The following RNF180 variants were observed in gnomAD, a reference collection of about 807,000 sequenced individuals.
RNF180 encodes the protein E3 ubiquitin-protein ligase RNF180.
A neutral mutation model predicts 59.2 loss-of-function variants in RNF180; 38 were observed. That is an observed-to-expected ratio of 0.64 (90% CI 0.50 to 0.84). The LOEUF is 0.84. Ranked by LOEUF, RNF180 falls within the 40% of genes least tolerant of loss-of-function variation. The probability of loss-of-function intolerance (pLI) is 0.00; values close to 1 mark genes in which losing one functional copy is unlikely to be tolerated. For missense variants in RNF180, 705 were observed against 700.9 expected (o/e 1.01, Z -0.07); for synonymous variants, 262 against 240.3 (o/e 1.09, Z -0.84).
intron 5 of RNF180, among the ~76,000 whole-genome samples, chr5:64,224,062 G>GGTGTGTGTGTGTGTGT (rs10694125): frequency 1.4e-5 from 2 of 141,348 alleles, no homozygotes; most frequent in African/African-American, 2.6e-5. Flanking sequence ...TCTAGGTTGG[G>GGTGTGTGTGTGTGTGT]GTGTGTGTGT....
At chr5:64,288,821 T>C (rs1433305735) in intron 5 of RNF180, among the ~76,000 whole-genome samples, 1 of 152,230 alleles carries the variant, frequency 6.6e-6, no homozygotes, top group African/African-American at 2.4e-5. Context: ...AGATATAGGA[T>C]CATGTCATCT....
intron 5 of RNF180, among the ~76,000 whole-genome samples, chr5:64,275,311 T>G (rs186177307): frequency 1.2e-4 from 18 of 146,846 alleles, no homozygotes; most frequent in Admixed American, 2.8e-4. Flanking sequence ...GAATAAGATA[T>G]AGAATTCTCT....
chr5:64,317,620 A>G (rs1303745311), intron 5 of RNF180, among the ~76,000 whole-genome samples: 1 of 110,950 alleles, frequency 9.0e-6, no homozygotes, highest in Non-Finnish European at 1.7e-5. Context: ...ACACACACAT[A>G]TATACACACA....
intron 1 of RNF180, among the ~76,000 whole-genome samples, chr5:64,184,476 T>C (rs752177952): frequency 5.9e-5 from 9 of 152,232 alleles, no homozygotes; most frequent in Non-Finnish European, 1.3e-4. Context: ...CTTCATTTTT[T>C]AGCACTGTGC....
chr5:64,184,983 C>A (rs1204935972), intron 1 of RNF180, among the ~76,000 whole-genome samples: 1 of 152,132 alleles, frequency 6.6e-6, no homozygotes, highest in Non-Finnish European at 1.5e-5. Flanking sequence ...GATCTCATAC[C>A]TAAATATATC....
intron 1 of RNF180, among the ~76,000 whole-genome samples, chr5:64,177,526 CATATATATATATATATATATAT>C (rs58046669): frequency 0.39 from 41,546 of 105,530 alleles, 7,365 homozygotes; most frequent in Middle Eastern, 0.49. Flanking sequence ...TAAATTATGC[CATATATATATATATATATATAT>C]ATATATATAT....
At chr5:64,333,741 T>C (rs1430372603) in intron 7 of RNF180, among the ~76,000 whole-genome samples, 1 of 152,192 alleles carries the variant, frequency 6.6e-6, no homozygotes, top group Non-Finnish European at 1.5e-5. Context: ...CCTTGTGATT[T>C]CTTCTTGTCT....
chr5:64,197,220 C>T (rs962196556), intron 1 of RNF180, among the ~76,000 whole-genome samples: 2 of 152,160 alleles, frequency 1.3e-5, no homozygotes, highest in African/African-American at 4.8e-5. Flanking sequence ...AAATATGTTT[C>T]TCCATAGGGA....
chr5:64,271,720 A>G (rs1417154247), intron 5 of RNF180, among the ~76,000 whole-genome samples: 1 of 152,216 alleles, frequency 6.6e-6, no homozygotes, highest in East Asian at 1.9e-4. Context: ...GAGCCATAAT[A>G]TATCTCAAGA....
chr5:64,368,984 C>A (rs914704241), intron 7 of RNF180, among the ~76,000 whole-genome samples: 10 of 152,246 alleles, frequency 6.6e-5, no homozygotes, highest in African/African-American at 2.2e-4. Context: ...AACTATAAAT[C>A]ATGCTGCTAT....
chr5:64,242,424 A>G (rs1742861592), intron 5 of RNF180, among the ~76,000 whole-genome samples: 1 of 152,174 alleles, frequency 6.6e-6, no homozygotes, highest in African/African-American at 2.4e-5. Flanking sequence ...GTGCCTGACA[A>G]CTCAAAATCA....
chr5:64,226,424 G>A (rs942169365), intron 5 of RNF180, among the ~76,000 whole-genome samples: 8 of 152,126 alleles, frequency 5.3e-5, no homozygotes, highest in Non-Finnish European at 1.2e-4. Context: ...GATTAAGGGC[G>A]GTGCAAGATG....
intron 7 of RNF180, among the ~76,000 whole-genome samples, chr5:64,341,076 G>T (rs1439753909): frequency 6.6e-6 from 1 of 152,110 alleles, no homozygotes; most frequent in African/African-American, 2.4e-5. Flanking sequence ...GGTGGGATAT[G>T]ATGCCTTCAT....
At chr5:64,350,430 A>G (rs1302672253) in intron 7 of RNF180, among the ~76,000 whole-genome samples, 3 of 151,852 alleles carry the variant, frequency 2.0e-5, no homozygotes, top group African/African-American at 7.3e-5. Flanking sequence ...CCATTTGTCA[A>G]TTTTCGCTTT....
intron 5 of RNF180, among the ~76,000 whole-genome samples, chr5:64,316,132 C>T (rs556224655): frequency 6.6e-6 from 1 of 152,206 alleles, no homozygotes; most frequent in South Asian, 2.1e-4. Flanking sequence ...GTTGCCTAGG[C>T]TGGAATCAAA....
chr5:64,195,715 A>G (rs960076118), intron 1 of RNF180, among the ~76,000 whole-genome samples: 2 of 152,232 alleles, frequency 1.3e-5, no homozygotes, highest in African/African-American at 4.8e-5. Flanking sequence ...CTATACAGAC[A>G]TTTAAGAAAT....
intron 5 of RNF180, among the ~76,000 whole-genome samples, chr5:64,279,234 C>A (rs909071974): frequency 1.3e-5 from 2 of 152,146 alleles, no homozygotes; most frequent in African/African-American, 4.8e-5. Context: ...TTAAATGCTG[C>A]AGAATTATTG....
chr5:64,201,032 TA>T, intron 2 of RNF180, 90 bp downstream of exon 2: 1 of 910,262 alleles, frequency 1.1e-6, no homozygotes, highest in Admixed American at 2.5e-5. Context: ...TTCTCTACCT[TA>T]TTAAGAATAT....
At chr5:64,252,427 C>T (rs1279213653) in intron 5 of RNF180, among the ~76,000 whole-genome samples, 1 of 151,994 alleles carries the variant, frequency 6.6e-6, no homozygotes, top group Admixed American at 6.6e-5. Context: ...GGAGAGTGGA[C>T]GTAAAGTGTT....
Sources: allele counts gnomAD v4.1 joint callset (sites outside exome capture counted in the v4.1 genomes callset), GRCh38; gene constraint gnomAD v4.1.1; transcripts MANE v1.5; gene names NCBI Gene and HGNC (gene_info 2026-07-23, HGNC 2026-07-21).